Variants in IFT25 observed in about 807,000 individuals in gnomAD.
The protein encoded by IFT25 is intraflagellar transport 25.
At chr1:53,911,770 T>C in the IFT25 span, among the ~76,000 whole-genome samples, 1 of 152,188 alleles carries the variant, frequency 6.6e-6, no homozygotes, top group African/African-American at 2.4e-5. Flanking sequence ...TCCTGCCAGC[T>C]GGGTGACTTT....
chr1:53,920,369 A>AT, the IFT25 span, among the ~76,000 whole-genome samples: 3 of 145,354 alleles, frequency 2.1e-5, no homozygotes, highest in Middle Eastern at 3.6e-3. Flanking sequence ...CAACTGTAAA[A>AT]TTTTTTTTCC....
chr1:53,919,687 AT>A, the IFT25 span, among the ~76,000 whole-genome samples: 2 of 152,206 alleles, frequency 1.3e-5, no homozygotes, highest in Non-Finnish European at 2.9e-5. Flanking sequence ...AAATCAATAG[AT>A]TCAGATCCCT....
the IFT25 span, among the ~76,000 whole-genome samples, chr1:53,914,149 G>A: frequency 1.3e-5 from 2 of 152,110 alleles, no homozygotes; most frequent in African/African-American, 2.4e-5. Context: ...ATCCTCCTGA[G>A]CCACCTGCAG....
the IFT25 span, among the ~76,000 whole-genome samples, chr1:53,915,753 C>A: frequency 6.6e-6 from 1 of 152,124 alleles, no homozygotes; most frequent in Admixed American, 6.5e-5. Context: ...AAGAGCACTA[C>A]AGGCAGAGGA....
chr1:53,937,527 C>T, the IFT25 span, among the ~76,000 whole-genome samples: 2 of 152,184 alleles, frequency 1.3e-5, no homozygotes, highest in African/African-American at 4.8e-5. Context: ...ACAGTAATTA[C>T]ATTATTCCAT....
the IFT25 span, among the ~76,000 whole-genome samples, chr1:53,927,075 G>T: frequency 6.6e-6 from 1 of 152,066 alleles, no homozygotes; most frequent in Non-Finnish European, 1.5e-5. Context: ...CACTTAATTT[G>T]TTCCTCTATC....
chr1:53,919,693 A>G, the IFT25 span, among the ~76,000 whole-genome samples: 3 of 152,202 alleles, frequency 2.0e-5, no homozygotes, highest in Admixed American at 6.5e-5. Context: ...ATAGATTCAG[A>G]TCCCTGCATT....
At chr1:53,930,742 C>T in the IFT25 span, among the ~76,000 whole-genome samples, 1 of 152,164 alleles carries the variant, frequency 6.6e-6, no homozygotes, top group African/African-American at 2.4e-5. Context: ...ATGCTGAGCT[C>T]TGAGTCCAGT....
the IFT25 span, chr1:53,940,195 G>T: frequency 1.3e-5 from 8 of 636,074 alleles, no homozygotes; most frequent in Non-Finnish European, 1.9e-5. Context: ...CTAGCAGATG[G>T]TTTAACACCC....
the IFT25 span, among the ~76,000 whole-genome samples, chr1:53,939,101 G>C: frequency 8.4e-6 from 1 of 119,752 alleles, no homozygotes; most frequent in Non-Finnish European, 1.7e-5. Flanking sequence ...AAAAAAAAAA[G>C]AGTTCTCAGG....
chr1:53,933,792 C>T, the IFT25 span, among the ~76,000 whole-genome samples: 1 of 152,036 alleles, frequency 6.6e-6, no homozygotes, highest in Non-Finnish European at 1.5e-5. Flanking sequence ...CTATTCTTGT[C>T]CTGTTTCTTC....
the IFT25 span, among the ~76,000 whole-genome samples, chr1:53,935,354 T>G: frequency 6.6e-6 from 1 of 152,174 alleles, no homozygotes; most frequent in Non-Finnish European, 1.5e-5. Context: ...AATGTCTCAA[T>G]AGATAAAATC....
the IFT25 span, among the ~76,000 whole-genome samples, chr1:53,930,683 C>T: frequency 6.6e-6 from 1 of 152,064 alleles, no homozygotes; most frequent in Admixed American, 6.5e-5. Flanking sequence ...ACTCAGCCTC[C>T]ATCTCTACAT....
chr1:53,935,453 G>A, the IFT25 span, among the ~76,000 whole-genome samples: 2 of 152,190 alleles, frequency 1.3e-5, no homozygotes, highest in East Asian at 3.8e-4. Context: ...GGTTTCTTGT[G>A]TGGGGTTTCT....
the IFT25 span, among the ~76,000 whole-genome samples, chr1:53,919,802 T>C: frequency 6.6e-6 from 1 of 151,970 alleles, no homozygotes; most frequent in Non-Finnish European, 1.5e-5. Context: ...TTTCCTTTTT[T>C]TTTTTGAGAC....
chr1:53,925,162 C>T, the IFT25 span, among the ~76,000 whole-genome samples: 8 of 152,040 alleles, frequency 5.3e-5, no homozygotes, highest in Non-Finnish European at 5.9e-5. Flanking sequence ...AAACCGAAAT[C>T]CCCTCTTCTT....
chr1:53,939,810 C>A, the IFT25 span: 1 of 553,652 alleles, frequency 1.8e-6, no homozygotes, highest in South Asian at 2.4e-5. Context: ...GATCAAAAAC[C>A]TAAATATACA....
chr1:53,936,281 C>T, the IFT25 span, among the ~76,000 whole-genome samples: 4 of 151,042 alleles, frequency 2.6e-5, no homozygotes, highest in African/African-American at 9.8e-5. Flanking sequence ...GAACAAGATT[C>T]CATCTCAAAA....
chr1:53,915,096 A>C, the IFT25 span, among the ~76,000 whole-genome samples: 1 of 152,216 alleles, frequency 6.6e-6, no homozygotes, highest in Non-Finnish European at 1.5e-5. Context: ...CTCCTCAAAG[A>C]TTCTACAGTA....
Sources: allele counts gnomAD v4.1 joint callset (sites outside exome capture counted in the v4.1 genomes callset), GRCh38; gene constraint gnomAD v4.1.1; transcripts MANE v1.5; gene names NCBI Gene and HGNC (gene_info 2026-07-23, HGNC 2026-07-21).